GSTA4: variants seen among roughly 807,000 people sequenced by gnomAD.
GSTA4 encodes the protein glutathione S-transferase alpha 4, also known as glutathione S-transferase A4.
A neutral mutation model predicts 24.4 loss-of-function variants in GSTA4; 15 were observed. That is an observed-to-expected ratio of 0.61 (90% CI 0.41 to 0.95). The LOEUF (loss-of-function observed/expected upper bound fraction) is 0.95. GSTA4 is among the 40% of genes least tolerant of loss of function. The pLI, the probability that GSTA4 is intolerant of heterozygous loss-of-function variation, is 0.00. For missense variants in GSTA4, 244 were observed against 262.1 expected (o/e 0.93, Z 0.48); for synonymous variants, 92 against 94.2 (o/e 0.98, Z 0.13).
chr6:52,979,636 T>C (rs905142189), intron 6 of GSTA4, among the ~76,000 whole-genome samples: 3 of 152,200 alleles, frequency 2.0e-5, no homozygotes, highest in South Asian at 2.1e-4. Flanking sequence ...CTTTTAAAGA[T>C]ATTTAAATAA....
chr6:52,978,570 T>C lies in GSTA4; in HGVS notation c.569A>G (p.Asn190Ser), dbSNP rs776857442. Reference sequence around the variant, plus strand: ...AAGGAATCTCTTAATTGTAGGGATATTACTTAGTTTCACTGTGTATTCCTG... The same window carrying C: ...AAGGAATCTCTTAATTGTAGGGATACTACTTAGTTTCACTGTGTATTCCTG... ...FLQEYTVKLS[N>S]IPTIKRFLEP... The change falls in exon 7 of 7, where the codon AAT (asparagine) becomes AGT (serine). Residue 190 changes from asparagine (N) to serine (S), a missense_variant. Coordinates refer to ENST00000370963, the MANE Select transcript of GSTA4 (RefSeq NM_001512.4). 1.1e-5 allele frequency: 18 copies of C among 1,610,700 alleles called. No individual in the cohort carries two copies. The highest frequency in any genetic ancestry group is 1.5e-5 in the Non-Finnish European group (18 of 1,177,864).
chr6:52,994,128 A>G, intron 2 of GSTA4, 29 bp downstream of exon 2: 1 of 1,434,822 alleles, frequency 7.0e-7, no homozygotes, highest in South Asian at 1.1e-5. Flanking sequence ...CTGTATGACA[A>G]ATCCGTGAAG....
Position 52,984,572 on chromosome 6 carries a change from C to T in GSTA4, c.306G>A (p.Leu102=), listed in dbSNP as rs754791550. 6.2e-7 allele frequency: 1 copy of T among 1,613,342 alleles called. No individual in the cohort carries two copies. Among genetic ancestry groups the T allele is most frequent in the African/African-American group, 1.3e-5 (1 of 74,888 alleles). ...AAGGATGCATGATAAGCAGTTCCAGCAGATCCAGTGTCCCCTCCACGTACA... is the reference window on the plus strand; with the variant it reads ...AAGGATGCATGATAAGCAGTTCCAGTAGATCCAGTGTCCCCTCCACGTACA... ...IDMYVEGTLD[L]LELLIMHPFL... is the part of the protein sequence containing the mutation. The change falls in exon 5 of 7, where the codon CTG becomes CTA. Residue 102 remains leucine, a synonymous_variant. Coordinates refer to ENST00000370963, the MANE Select transcript of GSTA4 (RefSeq NM_001512.4).
At chr6:52,988,880 G>T (rs1418339433) in intron 2 of GSTA4, among the ~76,000 whole-genome samples, 1 of 152,146 alleles carries the variant, frequency 6.6e-6, no homozygotes, top group Non-Finnish European at 1.5e-5. Context: ...TGTCAGAGGC[G>T]TGTGAACCAG....
intron 4 of GSTA4, among the ~76,000 whole-genome samples, 169 bp downstream of exon 4, chr6:52,985,282 C>T (rs1763529421): frequency 6.6e-6 from 1 of 152,184 alleles, no homozygotes; most frequent in Non-Finnish European, 1.5e-5. Context: ...TTTACTCAGA[C>T]TCTCTCTACT....
At chr6:52,986,428 G>A (rs1763558095) in intron 3 of GSTA4, among the ~76,000 whole-genome samples, 1 of 152,118 alleles carries the variant, frequency 6.6e-6, no homozygotes, top group Admixed American at 6.5e-5. Flanking sequence ...AACTAGCTGA[G>A]ACTCATGTAT....
intron 3 of GSTA4, among the ~76,000 whole-genome samples, chr6:52,985,954 G>A (rs45461197): frequency 0.046 from 7,064 of 152,162 alleles, 227 homozygotes; most frequent in Non-Finnish European, 0.068. Context: ...GGGAGGCTGA[G>A]ACAGGAGAAT....
chr6:52,980,021 G>A (rs1432686345), intron 6 of GSTA4, among the ~76,000 whole-genome samples: 1 of 152,120 alleles, frequency 6.6e-6, no homozygotes, highest in East Asian at 1.9e-4. Context: ...TCTGGTGTCC[G>A]ATTCTGAAGT....
Position 52,982,728 on chromosome 6 carries a change from A to C in GSTA4, c.415-23T>G, listed in dbSNP as rs758231676. On this transcript the variant is annotated intron_variant, in intron 5 of 6. Transcript: ENST00000370963. ...AATCTGTAGGGAAATGGTGTGCATC[A>C]GTTACAATATTCCACATGGAGAGAG... The C allele has an allele frequency of 2.5e-6, 4 of 1,596,992 alleles. No individual in the cohort carries two copies. In the East Asian group the frequency reaches 6.7e-5, roughly 27 times the overall value.
At chr6:52,981,014 C>T (rs1258719592) in intron 6 of GSTA4, among the ~76,000 whole-genome samples, 3 of 151,030 alleles carry the variant, frequency 2.0e-5, no homozygotes, top group Non-Finnish European at 4.4e-5. Context: ...TTTAACAGTG[C>T]AAAAGAATAC....
intron 2 of GSTA4, among the ~76,000 whole-genome samples, chr6:52,992,487 T>A (rs1013842511): frequency 6.6e-6 from 1 of 152,242 alleles, no homozygotes; most frequent in African/African-American, 2.4e-5. Flanking sequence ...TGCAGCAACC[T>A]GGCAGAGACT....
At chr6:52,994,927 G>T (rs1158824062) in intron 1 of GSTA4, 1 of 152,362 alleles carries the variant, frequency 6.6e-6, no homozygotes, top group Non-Finnish European at 1.5e-5. Context: ...CTCAGCCCAT[G>T]CAGGGGCGTA....
intron 2 of GSTA4, among the ~76,000 whole-genome samples, chr6:52,991,756 CT>C (rs11440808): frequency 4.0e-3 from 526 of 130,122 alleles, no homozygotes; most frequent in Middle Eastern, 0.012. Flanking sequence ...CTATTAATAC[CT>C]TTTTTTTTTT....
At chr6:52,984,441 A>T (rs532073012) in intron 5 of GSTA4, 23 bp downstream of exon 5, 1 of 1,607,066 alleles carries the variant, frequency 6.2e-7, no homozygotes. Flanking sequence ...TGCTCTGTGT[A>T]TGTAGGCATC....
At chr6:52,994,608 G>C (rs1763730759) in intron 1 of GSTA4, among the ~76,000 whole-genome samples, 1 of 152,148 alleles carries the variant, frequency 6.6e-6, no homozygotes, top group South Asian at 2.1e-4. Flanking sequence ...ATTCAGCTGG[G>C]GGATAGGGGG....
At chr6:52,992,049 C>T (rs1027853854) in intron 2 of GSTA4, among the ~76,000 whole-genome samples, 2 of 146,414 alleles carry the variant, frequency 1.4e-5, no homozygotes, top group Admixed American at 6.7e-5. Flanking sequence ...GCCACCGTGC[C>T]GGCTGGTTAA....
chr6:52,980,665 T>G (rs1763435290), intron 6 of GSTA4, among the ~76,000 whole-genome samples: 1 of 152,118 alleles, frequency 6.6e-6, no homozygotes, highest in Non-Finnish European at 1.5e-5. Flanking sequence ...TCCCACCTAT[T>G]TGGGGCCAAA....
At chr6:52,986,696 C>T (rs1763567597) in intron 3 of GSTA4, among the ~76,000 whole-genome samples, 1 of 152,168 alleles carries the variant, frequency 6.6e-6, no homozygotes, top group East Asian at 1.9e-4. Flanking sequence ...CTTCCAGCCA[C>T]CGTCACACAC....
In GSTA4 at chr6:52,994,157, C is replaced by T. The variant is rs373303272; in HGVS notation, c.87G>A (p.Glu29=). ...CGTGAAGAAACAGCATATAAGGTACCTCGACTCCGGCGGCAGCTAAAACCC... is the reference window on the plus strand; with the variant it reads ...CGTGAAGAAACAGCATATAAGGTACTTCGACTCCGGCGGCAGCTAAAACCC... ...VRWVLAAAGV[E]FDEEFLETKE... Residue 29 remains glutamate (E), a splice_region_variant and synonymous_variant, in exon 2 of 7, where the codon GAG becomes GAA. Transcript: ENST00000370963. The T allele has an allele frequency of 3.0e-5, 48 of 1,600,340 alleles. No individual in the cohort carries two copies. The highest frequency in any genetic ancestry group is 3.9e-5 in the Non-Finnish European group (45 of 1,167,526).
Sources: gnomAD v4.1 joint callset for allele counts (sites outside exome capture counted in the v4.1 genomes callset) on GRCh38, gnomAD v4.1.1 for gene constraint, MANE v1.5 for transcripts, NCBI Gene and HGNC (gene_info 2026-07-23, HGNC 2026-07-21) for gene names.